PPP2R5A: variants seen among roughly 807,000 people sequenced by gnomAD.
The protein encoded by PPP2R5A is protein phosphatase 2 regulatory subunit B'alpha.
PPP2R5A carries 25 observed loss-of-function variants against 64.2 expected under a neutral mutation model. The ratio of observed to expected loss-of-function variants is 0.39; its 90% CI spans 0.28 to 0.54. The LOEUF is 0.54. Among genes scored for constraint, PPP2R5A ranks in the 20% least tolerant of loss-of-function variants. The pLI, the probability that PPP2R5A is intolerant of heterozygous loss-of-function variation, is 0.67. For missense variants in PPP2R5A, 425 were observed against 576.3 expected (o/e 0.74, Z 2.69); for synonymous variants, 198 against 201.2 (o/e 0.98, Z 0.13).
chr1:212,324,004 G>A (rs929666042), intron 1 of PPP2R5A, among the ~76,000 whole-genome samples: 4 of 151,868 alleles, frequency 2.6e-5, no homozygotes, highest in East Asian at 3.9e-4. Flanking sequence ...CCTGGGAGGC[G>A]GAGTTTGCAG....
intron 3 of PPP2R5A, among the ~76,000 whole-genome samples, chr1:212,340,935 A>G (rs905671680): frequency 6.6e-6 from 1 of 152,094 alleles, no homozygotes; most frequent in African/African-American, 2.4e-5. Flanking sequence ...TCTAACTTCT[A>G]CATCAACCTA....
At chr1:212,302,000 A>G in intron 1 of PPP2R5A, 2 of 1,476,250 alleles carry the variant, frequency 1.4e-6, no homozygotes, top group Non-Finnish European at 1.8e-6. Flanking sequence ...TTAACAATGA[A>G]CAACTTGAAA....
chr1:212,357,409 G>A (rs1659997185), intron 11 of PPP2R5A, 125 bp downstream of exon 11: 1 of 882,564 alleles, frequency 1.1e-6, no homozygotes, highest in East Asian at 2.9e-5. Flanking sequence ...GTTAACATCA[G>A]TTGTATTCTA....
intron 1 of PPP2R5A, among the ~76,000 whole-genome samples, chr1:212,308,024 A>AT (rs542328522): frequency 9.7e-4 from 147 of 151,854 alleles, no homozygotes; most frequent in South Asian, 1.9e-3. Context: ...TAATTTTTGT[A>AT]TTTTTTTGTA....
At position 212,349,176 on chromosome 1, in the gene PPP2R5A, C is replaced by T. The variant is rs1324860385; in HGVS notation, c.874-13C>T. 1.3e-6 allele frequency: 2 copies of T among 1,508,886 alleles called. No individual in the cohort carries two copies. Among genetic ancestry groups the T allele is most frequent in the Non-Finnish European group, 1.8e-6 (2 of 1,111,044 alleles). The allele number at this position is 1,508,886 out of a possible 1,614,324, so 93.5% of individuals were successfully genotyped here. On this transcript the variant is annotated splice_polypyrimidine_tract_variant and intron_variant, in intron 7 of 12. Transcript: ENST00000261461. Reference sequence around the variant, plus strand: ...ATCTCACTAATATTTATAAACTGTCCCTTACCTTTTAGCTAGCATATTGTG... The same window carrying T: ...ATCTCACTAATATTTATAAACTGTCTCTTACCTTTTAGCTAGCATATTGTG...
chr1:212,305,578 G>C (rs1474777406), intron 1 of PPP2R5A, among the ~76,000 whole-genome samples: 1 of 152,028 alleles, frequency 6.6e-6, no homozygotes, highest in Non-Finnish European at 1.5e-5. Flanking sequence ...GTTTATGTGT[G>C]TTCAAAGTCT....
At chr1:212,318,265 T>C (rs74490020) in intron 1 of PPP2R5A, among the ~76,000 whole-genome samples, 2,144 of 151,742 alleles carry the variant, frequency 0.014, 32 homozygotes, top group Non-Finnish European at 0.02. Context: ...AAATTAATTA[T>C]GTATTTAGCA....
chr1:212,300,426 T>C (rs1658778989), intron 1 of PPP2R5A, among the ~76,000 whole-genome samples: 1 of 149,322 alleles, frequency 6.7e-6, no homozygotes. Flanking sequence ...AAGTGTCATA[T>C]TTTAAACTAC....
At chr1:212,310,738 G>A (rs1041541765) in intron 1 of PPP2R5A, among the ~76,000 whole-genome samples, 1 of 152,212 alleles carries the variant, frequency 6.6e-6, no homozygotes, top group African/African-American at 2.4e-5. Flanking sequence ...AAAAGGTAGA[G>A]CCTCTGCCCC....
At chr1:212,355,797 T>C (rs184353277) in intron 8 of PPP2R5A, among the ~76,000 whole-genome samples, 137 of 152,272 alleles carry the variant, frequency 9.0e-4, no homozygotes, top group Non-Finnish European at 1.4e-3. Flanking sequence ...TTTTCAACTT[T>C]GTTTATTTAA....
intron 1 of PPP2R5A, among the ~76,000 whole-genome samples, chr1:212,317,996 G>A (rs1033644062): frequency 1.3e-5 from 2 of 152,106 alleles, no homozygotes; most frequent in African/African-American, 2.4e-5. Flanking sequence ...TTTTCAAGTT[G>A]AGTATTGAAA....
intron 1 of PPP2R5A, among the ~76,000 whole-genome samples, chr1:212,287,527 C>A (rs1658525503): frequency 6.6e-6 from 1 of 152,214 alleles, no homozygotes; most frequent in African/African-American, 2.4e-5. Flanking sequence ...CTTGCCCTGA[C>A]TCTTGGAGTG....
intron 1 of PPP2R5A, among the ~76,000 whole-genome samples, chr1:212,303,846 T>C (rs1317577180): frequency 6.6e-6 from 1 of 152,142 alleles, no homozygotes; most frequent in Non-Finnish European, 1.5e-5. Context: ...TAGCACATGG[T>C]TTTATTTCTG....
chr1:212,329,380 G>A (rs1659462136), intron 2 of PPP2R5A, 49 bp downstream of exon 2: 2 of 1,366,190 alleles, frequency 1.5e-6, no homozygotes, highest in Non-Finnish European at 1.9e-6. Flanking sequence ...TTTAAGATCT[G>A]AGGTATAATA....
At chr1:212,292,946 A>G (rs1658629761) in intron 1 of PPP2R5A, among the ~76,000 whole-genome samples, 1 of 152,178 alleles carries the variant, frequency 6.6e-6, no homozygotes, top group Non-Finnish European at 1.5e-5. Flanking sequence ...GAATACAATC[A>G]TGGGTTCTTA....
intron 2 of PPP2R5A, chr1:212,331,857 C>A (rs992498560): frequency 2.0e-5 from 3 of 152,124 alleles, no homozygotes; most frequent in Middle Eastern, 3.4e-3. Flanking sequence ...TCTGTGGGCA[C>A]ATAGTAGGTA....
intron 1 of PPP2R5A, among the ~76,000 whole-genome samples, chr1:212,289,370 G>T (rs1476934119): frequency 1.3e-5 from 2 of 152,124 alleles, no homozygotes; most frequent in East Asian, 1.9e-4. Flanking sequence ...TATTCATTGG[G>T]TCATCCCTGA....
intron 1 of PPP2R5A, among the ~76,000 whole-genome samples, chr1:212,318,582 A>G (rs906304668): frequency 1.3e-5 from 2 of 152,230 alleles, no homozygotes; most frequent in African/African-American, 4.8e-5. Flanking sequence ...ATGGTATACC[A>G]TGATAGTAGA....
chr1:212,290,712 G>A (rs1470963334), intron 1 of PPP2R5A, among the ~76,000 whole-genome samples: 2 of 152,106 alleles, frequency 1.3e-5, no homozygotes, highest in African/African-American at 2.4e-5. Context: ...ATTATTTTAT[G>A]AAGTGTCTAA....
Sources: allele counts gnomAD v4.1 joint callset (sites outside exome capture counted in the v4.1 genomes callset), GRCh38; gene constraint gnomAD v4.1.1; transcripts MANE v1.5; gene names NCBI Gene and HGNC (gene_info 2026-07-23, HGNC 2026-07-21).